The following ITPR1 variants were observed in gnomAD, a reference collection of about 807,000 sequenced individuals.
The protein encoded by ITPR1 is inositol 1,4,5-trisphosphate-gated calcium channel ITPR1.
Under a neutral mutation model 318.4 loss-of-function variants are expected in ITPR1, and 96 were observed. The observed-to-expected ratio is 0.30, with a 90% CI of 0.26 to 0.36. The LOEUF (loss-of-function observed/expected upper bound fraction) is 0.36, where lower values mean the gene tolerates loss of function less well. ITPR1 is among the 10% of genes least tolerant of loss of function. ITPR1 has a pLI of 1.00. For synonymous variants in ITPR1, 1,312 were observed against 1,289.9 expected (o/e 1.02, Z -0.37); for missense variants, 2,440 against 3,460.2 (o/e 0.71, Z 7.40).
intron 4 of ITPR1, among the ~76,000 whole-genome samples, chr3:4,537,765 T>C (rs304049): frequency 0.93 from 141,989 of 152,284 alleles, 66,607 homozygotes; most frequent in Non-Finnish European, 0.99. Flanking sequence ...GCAGCCCTGC[T>C]GATACCTTGA....
At chr3:4,646,160 G>T (rs2093451517) in intron 10 of ITPR1, among the ~76,000 whole-genome samples, 1 of 152,188 alleles carries the variant, frequency 6.6e-6, no homozygotes, top group Admixed American at 6.5e-5. Context: ...CAATACATAG[G>T]TGATGCCCAC....
chr3:4,679,620 C>T (rs936073538), intron 24 of ITPR1, among the ~76,000 whole-genome samples: 1 of 152,208 alleles, frequency 6.6e-6, no homozygotes, highest in Non-Finnish European at 1.5e-5. Flanking sequence ...CTTTACTCAG[C>T]TCACTGATTC....
At chr3:4,514,399 C>CATAT in intron 2 of ITPR1, among the ~76,000 whole-genome samples, 1 of 152,214 alleles carries the variant, frequency 6.6e-6, no homozygotes, top group Non-Finnish European at 1.5e-5. Flanking sequence ...CAATGATCAG[C>CATAT]TGCAAGCAAC....
chr3:4,811,366 C>T lies in ITPR1; in HGVS notation c.7374C>T (p.Ile2458=). Reference sequence around the variant, plus strand: ...TCCTGACAGCAGTTCTGGCTCTGATCCTCGTTTACCTGTTCTCAATAGTGG... The same window carrying T: ...TCCTGACAGCAGTTCTGGCTCTGATTCTCGTTTACCTGTTCTCAATAGTGG... ...SIILTAVLAL[I]LVYLFSIVGY... Residue 2458 remains isoleucine (I), a synonymous_variant, in exon 56 of 62, where the codon ATC becomes ATT. Transcript: ENST00000649015. The T allele has an allele frequency of 1.2e-6, 2 of 1,613,868 alleles. No individual in the cohort carries two copies. The highest frequency in any genetic ancestry group is 1.7e-6 in the Non-Finnish European group (2 of 1,179,782).
chr3:4,843,027 G>T lies in ITPR1; in HGVS notation c.8191-3112G>T, dbSNP rs79546879. ...GAAACCTAAGCGTCCAGAATTGTTG[G>T]CCTCAGTTTCTTATAGGTCAGATTT... On this transcript the variant is annotated intron_variant, in intron 61 of 61. Coordinates refer to ENST00000649015, the MANE Select transcript of ITPR1 (RefSeq NM_001378452.1). 5.7e-3 allele frequency among the ~76,000 whole-genome samples: 864 copies of T among 150,722 alleles called. 1 individual carries two copies. Among genetic ancestry groups the T allele is most frequent in the Middle Eastern group, 0.017 (5 of 288 alleles).
At chr3:4,583,585 G>C (rs1316043920) in intron 4 of ITPR1, among the ~76,000 whole-genome samples, 1 of 152,198 alleles carries the variant, frequency 6.6e-6, no homozygotes, top group African/African-American at 2.4e-5. Context: ...CTATCATCCA[G>C]CTGGCTAGTT....
chr3:4,835,945 C>T (rs2050879988), intron 60 of ITPR1, among the ~76,000 whole-genome samples: 1 of 152,070 alleles, frequency 6.6e-6, no homozygotes, highest in African/African-American at 2.4e-5. Flanking sequence ...ACCCATCAAC[C>T]ACTTCAGGCT....
intron 5 of ITPR1, among the ~76,000 whole-genome samples, chr3:4,631,045 C>G (rs1003617668): frequency 6.6e-6 from 1 of 152,190 alleles, no homozygotes; most frequent in Non-Finnish European, 1.5e-5. Context: ...TGCATTGTTA[C>G]AACTTGACGT....
chr3:4,636,160 G>T (rs761511068), intron 5 of ITPR1, among the ~76,000 whole-genome samples: 10 of 151,796 alleles, frequency 6.6e-5, no homozygotes, highest in Non-Finnish European at 8.8e-5. Flanking sequence ...ACTTGGTTTT[G>T]TGAGGGGATT....
chr3:4,561,868 A>C (rs1334490952), intron 4 of ITPR1, among the ~76,000 whole-genome samples: 2 of 152,192 alleles, frequency 1.3e-5, no homozygotes, highest in Non-Finnish European at 2.9e-5. Context: ...TTCAGAGCTC[A>C]TGACTCAGGA....
Position 4,663,076 on chromosome 3 carries a change from A to G in ITPR1, c.1424A>G (p.Lys475Arg). 3 of 1,613,770 alleles carry G rather than the reference A, an allele frequency of 1.9e-6. No homozygotes were observed. Among genetic ancestry groups the G allele is most frequent in the Non-Finnish European group, 2.5e-6 (3 of 1,179,752 alleles). ...TCTTTCCTCCTAAGGTCTGTAACCA[A>G]GCTGCTAGAAGATTTGGTTTACTTC... Reference protein sequence around the residue: ...ITQNERRSVTKLLEDLVYFVT... With the variant: ...ITQNERRSVTRLLEDLVYFVT... Residue 475 changes from lysine to arginine, a missense_variant, in exon 16 of 62, where the codon AAG becomes AGG. Lys to Arg is a conservative substitution (Grantham distance 26). Coordinates refer to ENST00000649015, the MANE Select transcript of ITPR1 (RefSeq NM_001378452.1).
intron 2 of ITPR1, among the ~76,000 whole-genome samples, chr3:4,504,296 G>A (rs2081247953): frequency 6.6e-6 from 1 of 152,180 alleles, no homozygotes; most frequent in Admixed American, 6.5e-5. Flanking sequence ...GTGTGTATGT[G>A]TGTTGCGGCG....
At chr3:4,829,571 G>A (rs532468880) in intron 60 of ITPR1, among the ~76,000 whole-genome samples, 2 of 152,132 alleles carry the variant, frequency 1.3e-5, no homozygotes, top group African/African-American at 2.4e-5. Context: ...CAGAAAAATG[G>A]GGCAGAAAGT....
chr3:4,530,255 G>T (rs1258697886), intron 4 of ITPR1, among the ~76,000 whole-genome samples: 1 of 152,170 alleles, frequency 6.6e-6, no homozygotes, highest in Non-Finnish European at 1.5e-5. Context: ...AGCACTCAAA[G>T]GGACCAAATC....
Position 4,644,225 on chromosome 3 carries a change from C to T in ITPR1, c.615C>T (p.Gly205=). Residue 205 remains glycine (G), a synonymous_variant, in exon 8 of 62, where the codon GGC becomes GGT. Coordinates refer to ENST00000649015, the MANE Select transcript of ITPR1 (RefSeq NM_001378452.1). The part of the protein sequence containing the change: ...ASSHQLVDNP[G]CNEVNSVNCN... ...GCCATCAACTGGTAGATAACCCAGG[C>T]TGCAATGAGGTAAGGACATTGAGTT... The T allele has an allele frequency of 6.2e-7, 1 of 1,603,970 alleles. No homozygotes were observed. Among genetic ancestry groups the T allele is most frequent in the Non-Finnish European group, 8.5e-7 (1 of 1,174,442 alleles).
intron 4 of ITPR1, among the ~76,000 whole-genome samples, chr3:4,543,524 A>G (rs2084671659): frequency 1.3e-5 from 2 of 152,216 alleles, no homozygotes; most frequent in Admixed American, 1.3e-4. Context: ...ATCAAGGGAT[A>G]AAGAATGATA....
At chr3:4,664,987 G>A in intron 16 of ITPR1, 151 bp from the exon 17 acceptor site, 1 of 751,464 alleles carries the variant, frequency 1.3e-6, no homozygotes, top group Non-Finnish European at 2.3e-6. Flanking sequence ...CAGTTGATGG[G>A]CTGAATGCAG....
intron 39 of ITPR1, among the ~76,000 whole-genome samples, chr3:4,715,931 A>G (rs112940248): frequency 0.022 from 3,296 of 152,310 alleles, 116 homozygotes; most frequent in African/African-American, 0.072. Flanking sequence ...GATTTTAATC[A>G]TGACCACTTA....
intron 60 of ITPR1, chr3:4,831,227 A>G (rs2050489554): frequency 1.3e-5 from 4 of 297,950 alleles, no homozygotes; most frequent in South Asian, 5.7e-5. Context: ...TACCACCCCC[A>G]TATCTAAAAC....
Sources: allele counts gnomAD v4.1 joint callset (sites outside exome capture counted in the v4.1 genomes callset), GRCh38; gene constraint gnomAD v4.1.1; transcripts MANE v1.5; gene names NCBI Gene and HGNC (gene_info 2026-07-23, HGNC 2026-07-21).